The following SCHIP1 variants were observed in gnomAD, a reference collection of about 807,000 sequenced individuals.
SCHIP1 encodes the protein schwannomin-interacting protein 1.
SCHIP1 carries 8 observed loss-of-function variants against 29.7 expected under a neutral mutation model. The observed-to-expected ratio is 0.27, with a 90% CI of 0.16 to 0.49. SCHIP1 has a LOEUF of 0.49. Among genes scored for constraint, SCHIP1 ranks in the 20% least tolerant of loss-of-function variants. The pLI, the probability that SCHIP1 is intolerant of heterozygous loss-of-function variation, is 0.99. For synonymous variants in SCHIP1, 76 were observed against 94.9 expected (o/e 0.80, Z 1.16); for missense variants, 193 against 294.6 (o/e 0.66, Z 2.52).
At chr3:159,385,696 G>A in the SCHIP1 span, among the ~76,000 whole-genome samples, 3 of 151,978 alleles carry the variant, frequency 2.0e-5, no homozygotes, top group African/African-American at 7.3e-5. Flanking sequence ...TTATTGTAGG[G>A]TATTTTAGAG....
the SCHIP1 span, among the ~76,000 whole-genome samples, chr3:159,600,211 T>C: frequency 6.6e-6 from 1 of 152,220 alleles, no homozygotes; most frequent in East Asian, 1.9e-4. Context: ...TTGCATTGTA[T>C]CTACCTGGGG....
the SCHIP1 span, among the ~76,000 whole-genome samples, chr3:159,512,430 T>C: frequency 2.6e-5 from 4 of 152,176 alleles, no homozygotes; most frequent in Non-Finnish European, 5.9e-5. Flanking sequence ...GCCCAGCAAT[T>C]TGGTCACTGC....
chr3:159,757,838 T>G, the SCHIP1 span, among the ~76,000 whole-genome samples: 1 of 152,206 alleles, frequency 6.6e-6, no homozygotes, highest in East Asian at 1.9e-4. Context: ...GCACTGACAA[T>G]GCTATTTTCT....
At chr3:159,293,084 A>G in the SCHIP1 span, among the ~76,000 whole-genome samples, 1 of 152,230 alleles carries the variant, frequency 6.6e-6, no homozygotes, top group South Asian at 2.1e-4. Context: ...ATAGCTGTTA[A>G]GCAACATTTC....
the SCHIP1 span, among the ~76,000 whole-genome samples, chr3:159,621,609 A>C: frequency 6.6e-6 from 1 of 152,008 alleles, no homozygotes; most frequent in African/African-American, 2.4e-5. Context: ...TTTTAAAGGC[A>C]GCTGAAGCAG....
At chr3:159,612,720 C>T in the SCHIP1 span, among the ~76,000 whole-genome samples, 1 of 152,228 alleles carries the variant, frequency 6.6e-6, no homozygotes, top group African/African-American at 2.4e-5. Context: ...GCACTCCAGC[C>T]TGGGTGACAA....
chr3:159,511,800 A>G, the SCHIP1 span, among the ~76,000 whole-genome samples: 1 of 152,242 alleles, frequency 6.6e-6, no homozygotes, highest in Non-Finnish European at 1.5e-5. Context: ...TTCTAGAAAG[A>G]AACAAAAATG....
the SCHIP1 span, among the ~76,000 whole-genome samples, chr3:159,275,964 C>A: frequency 6.6e-6 from 1 of 152,122 alleles, no homozygotes; most frequent in South Asian, 2.1e-4. Flanking sequence ...GTCCACCCAC[C>A]CTTGCAAGGG....
At chr3:159,871,512 TA>T (rs1477514906) in intron 2 of SCHIP1, among the ~76,000 whole-genome samples, 4 of 152,218 alleles carry the variant, frequency 2.6e-5, no homozygotes, top group African/African-American at 7.2e-5. Flanking sequence ...TAGTATCTAA[TA>T]CATAATCACT....
the SCHIP1 span, among the ~76,000 whole-genome samples, chr3:159,577,988 A>G: frequency 6.6e-6 from 1 of 152,208 alleles, no homozygotes; most frequent in South Asian, 2.1e-4. Context: ...TGCTTCTCAA[A>G]GTTTAATGGG....
the SCHIP1 span, among the ~76,000 whole-genome samples, chr3:159,577,193 A>G: frequency 6.6e-6 from 1 of 152,108 alleles, no homozygotes; most frequent in Non-Finnish European, 1.5e-5. Context: ...GCTCTGCCCT[A>G]CTTTAGCTAA....
the SCHIP1 span, among the ~76,000 whole-genome samples, chr3:159,390,651 T>G: frequency 6.6e-6 from 1 of 152,152 alleles, no homozygotes; most frequent in African/African-American, 2.4e-5. Flanking sequence ...TTAAAATTCT[T>G]AAATTTTTTC....
At chr3:159,692,845 T>C in the SCHIP1 span, among the ~76,000 whole-genome samples, 1 of 152,308 alleles carries the variant, frequency 6.6e-6, no homozygotes, top group East Asian at 1.9e-4. Flanking sequence ...AAAACATATT[T>C]AACAAAAATA....
the SCHIP1 span, among the ~76,000 whole-genome samples, chr3:159,342,931 C>G: frequency 1.3e-5 from 2 of 152,070 alleles, no homozygotes; most frequent in African/African-American, 4.8e-5. Context: ...TAAAAACTAA[C>G]TTAAATGAAA....
the SCHIP1 span, among the ~76,000 whole-genome samples, chr3:159,779,946 C>G: frequency 3.2e-4 from 49 of 152,240 alleles, no homozygotes; most frequent in East Asian, 7.5e-3. Flanking sequence ...ATACCCTCCT[C>G]TATATTCTTA....
the SCHIP1 span, among the ~76,000 whole-genome samples, chr3:159,655,879 A>C: frequency 6.6e-6 from 1 of 152,086 alleles, no homozygotes; most frequent in Non-Finnish European, 1.5e-5. Flanking sequence ...GCAGAGTGAG[A>C]CTCCGTCTCA....
chr3:159,561,131 CTAAT>C, the SCHIP1 span, among the ~76,000 whole-genome samples: 1 of 152,094 alleles, frequency 6.6e-6, no homozygotes, highest in Non-Finnish European at 1.5e-5. Flanking sequence ...TACACAGTGT[CTAAT>C]TGAGTCTAGT....
intron 1 of SCHIP1, chr3:159,853,463 G>T (rs764446297): frequency 1.4e-6 from 1 of 694,494 alleles, no homozygotes; most frequent in Non-Finnish European, 2.6e-6. Context: ...AAAAGGTAAG[G>T]GGGGAGAGCT....
chr3:159,740,426 G>T, the SCHIP1 span, among the ~76,000 whole-genome samples: 1 of 152,118 alleles, frequency 6.6e-6, no homozygotes, highest in Admixed American at 6.5e-5. Context: ...CTGGGCAGGT[G>T]GAACAACACA....
Sources: allele counts gnomAD v4.1 joint callset (sites outside exome capture counted in the v4.1 genomes callset), GRCh38; gene constraint gnomAD v4.1.1; transcripts MANE v1.5; gene names NCBI Gene and HGNC (gene_info 2026-07-23, HGNC 2026-07-21).